The following SLIT3 variants were observed in gnomAD, a reference collection of about 807,000 sequenced individuals.
SLIT3 encodes slit guidance ligand 3, also known as slit homolog 3 protein.
A neutral mutation model predicts 184.0 loss-of-function variants in SLIT3; 68 were observed. That is an observed-to-expected ratio of 0.37 (90% confidence interval 0.30 to 0.45). The LOEUF is 0.45. Among genes scored for constraint, SLIT3 ranks in the 20% least tolerant of loss-of-function variants. The pLI, the probability that SLIT3 is intolerant of heterozygous loss-of-function variation, is 1.00. For missense variants in SLIT3, 1,707 were observed against 2,026.0 expected (o/e 0.84, Z 3.02); for synonymous variants, 831 against 828.6 (o/e 1.00, Z -0.05).
At chr5:168,699,003 C>A (rs889799930) in intron 27 of SLIT3, among the ~76,000 whole-genome samples, 1 of 152,230 alleles carries the variant, frequency 6.6e-6, no homozygotes, top group Non-Finnish European at 1.5e-5. Context: ...CTGACCCCCC[C>A]AATCCCTCGC....
At position 168,783,941 on chromosome 5, in the gene SLIT3, G is replaced by A. The variant is rs114203598; in HGVS notation, c.1151+1966C>T. 6.5e-3 allele frequency among the ~76,000 whole-genome samples: 992 copies of A among 152,234 alleles called. 15 individuals are homozygous for A. Among genetic ancestry groups the A allele is most frequent in the African/African-American group, 0.023 (935 of 41,526 alleles). On this transcript the variant is annotated intron_variant, in intron 12 of 35. Transcript: ENST00000519560. ...GTGACAGTAAACTGGAGTTGCCTTCGCGACCCATGCAAAGTCCTGTTGGTT... is the reference window on the plus strand; with the variant it reads ...GTGACAGTAAACTGGAGTTGCCTTCACGACCCATGCAAAGTCCTGTTGGTT...
At position 168,748,295 on chromosome 5, in the gene SLIT3, TA is replaced by T; in HGVS notation, c.2270+6del. 1 of 1,458,638 alleles carries T rather than the reference TA, an allele frequency of 6.9e-7. No homozygotes were observed. The highest frequency in any genetic ancestry group is 1.5e-5 in the South Asian group (1 of 66,868). 90.4% of individuals were successfully genotyped at this position (1,458,638 alleles called of 1,614,324 possible). A position where few individuals can be genotyped will look rare whatever the true frequency, so the allele number is the denominator to read the frequency against. The stretch of plus-strand genomic sequence containing the variant: ...CAGGGTGCTTGGAGGCAGCTGGGGG[TA>T]CTTACAGCTCGGTCACATCCTTGGG... On this transcript the variant is annotated splice_donor_region_variant and intron_variant, in intron 20 of 35. Transcript: ENST00000519560.
chr5:168,842,616 T>C (rs1380047390), intron 6 of SLIT3, among the ~76,000 whole-genome samples: 3 of 152,048 alleles, frequency 2.0e-5, no homozygotes, highest in African/African-American at 2.4e-5. Context: ...ATGTAGTACA[T>C]ACACTGTCTG....
At position 169,058,129 on chromosome 5, in the gene SLIT3, G is replaced by A. The variant is rs548991618; in HGVS notation, c.413+135350C>T. The stretch of plus-strand genomic sequence containing the variant: ...TGCAGGGACTGCTGTGTTCTTGCAC[G>A]GAAGGTCTTCTCACGTGACTTCTCA... On this transcript the variant is annotated intron_variant, in intron 4 of 35. Transcript: ENST00000519560. 1.3e-4 allele frequency among the ~76,000 whole-genome samples: 20 copies of A among 152,342 alleles called. No individual in the cohort carries two copies. In the East Asian group the frequency reaches 3.7e-3, roughly 28 times the overall value.
chr5:169,007,276 G>T (rs1443927407), intron 4 of SLIT3, among the ~76,000 whole-genome samples: 1 of 152,150 alleles, frequency 6.6e-6, no homozygotes, highest in Admixed American at 6.5e-5. Flanking sequence ...CCAGTCTCAG[G>T]TATGTCTTTA....
At chr5:169,108,078 G>C (rs1167301896) in intron 4 of SLIT3, among the ~76,000 whole-genome samples, 1 of 152,190 alleles carries the variant, frequency 6.6e-6, no homozygotes, top group African/African-American at 2.4e-5. Flanking sequence ...CTCATCAAAA[G>C]TAGGAGCCCT....
intron 4 of SLIT3, among the ~76,000 whole-genome samples, chr5:169,084,620 T>A (rs758773627): frequency 9.2e-5 from 14 of 152,328 alleles, no homozygotes; most frequent in Admixed American, 3.3e-4. Context: ...AAAATTGGGA[T>A]ATTTTACACA....
chr5:168,692,777 G>C, intron 28 of SLIT3, 77 bp from the exon 29 acceptor site: 1 of 1,016,276 alleles, frequency 9.8e-7, no homozygotes, highest in Non-Finnish European at 1.5e-6. Context: ...AGTACTAGGG[G>C]GGATATCCTG....
chr5:168,915,338 T>C (rs1410062919), intron 4 of SLIT3, among the ~76,000 whole-genome samples: 8 of 152,176 alleles, frequency 5.3e-5, no homozygotes, highest in Non-Finnish European at 8.8e-5. Flanking sequence ...AAATTATCAG[T>C]GACGGGTGAT....
At chr5:168,993,673 G>GAAAAAAA (rs11428012) in intron 4 of SLIT3, among the ~76,000 whole-genome samples, 2 of 145,282 alleles carry the variant, frequency 1.4e-5, no homozygotes, top group Non-Finnish European at 1.5e-5. Flanking sequence ...AAGTACACAG[G>GAAAAAAA]AAAAAAAAAA....
At chr5:168,708,126 T>A in intron 25 of SLIT3, 26 bp from the exon 26 acceptor site, 1 of 1,614,140 alleles carries the variant, frequency 6.2e-7, no homozygotes, top group Non-Finnish European at 8.5e-7. Flanking sequence ...AGAGTACTGA[T>A]GGCAGGTCCT....
intron 4 of SLIT3, among the ~76,000 whole-genome samples, chr5:169,106,071 G>C (rs982811045): frequency 6.6e-6 from 1 of 152,044 alleles, no homozygotes; most frequent in African/African-American, 2.4e-5. Context: ...GGGAATGAGA[G>C]CATCAGGAAG....
intron 7 of SLIT3, among the ~76,000 whole-genome samples, chr5:168,820,915 C>G (rs776237188): frequency 6.6e-6 from 1 of 152,082 alleles, no homozygotes; most frequent in Non-Finnish European, 1.5e-5. Flanking sequence ...GGCTTCCTTC[C>G]TCTCTCCTCT....
intron 4 of SLIT3, among the ~76,000 whole-genome samples, chr5:169,099,532 G>A (rs192818551): frequency 1.5e-3 from 236 of 152,282 alleles, no homozygotes; most frequent in Admixed American, 2.8e-3. Flanking sequence ...TAGACTTTAT[G>A]CCATTTTATT....
chr5:168,728,231 C>T (rs922553446), intron 20 of SLIT3, among the ~76,000 whole-genome samples: 6 of 151,684 alleles, frequency 4.0e-5, no homozygotes, highest in African/African-American at 1.5e-4. Context: ...AAAGATCACA[C>T]TACCACAGGC....
chr5:168,866,797 C>T (rs1248188568), intron 5 of SLIT3, among the ~76,000 whole-genome samples: 1 of 152,226 alleles, frequency 6.6e-6, no homozygotes, highest in Non-Finnish European at 1.5e-5. Flanking sequence ...TGGGTTGTTA[C>T]AGCAATTAAA....
At chr5:168,686,233 G>A (rs191044071) in intron 30 of SLIT3, among the ~76,000 whole-genome samples, 2 of 152,244 alleles carry the variant, frequency 1.3e-5, no homozygotes, top group African/African-American at 2.4e-5. Context: ...GCAAGACTCC[G>A]GCTCCAAGAA....
chr5:168,666,822 T>A (rs566611717), intron 35 of SLIT3, 133 bp from the exon 36 acceptor site: 15 of 1,406,078 alleles, frequency 1.1e-5, no homozygotes, highest in Middle Eastern at 1.7e-4. Flanking sequence ...TCCATCTGCC[T>A]ACCCTCCCCT....
chr5:169,156,640 G>C (rs950966077), intron 4 of SLIT3, among the ~76,000 whole-genome samples: 1 of 152,182 alleles, frequency 6.6e-6, no homozygotes, highest in Non-Finnish European at 1.5e-5. Flanking sequence ...GAGATTGAAA[G>C]GTAATCATAC....
Sources: gnomAD v4.1 joint callset for allele counts (sites outside exome capture counted in the v4.1 genomes callset) on GRCh38, gnomAD v4.1.1 for gene constraint, MANE v1.5 for transcripts, NCBI Gene and HGNC (gene_info 2026-07-23, HGNC 2026-07-21) for gene names.